Variants in GABBR2 observed in about 807,000 individuals in gnomAD.
The protein encoded by GABBR2 is gamma-aminobutyric acid type B receptor subunit 2.
Under a neutral mutation model 105.6 loss-of-function variants are expected in GABBR2, and 23 were observed. The observed-to-expected ratio is 0.22, with a 90% CI of 0.16 to 0.31. The LOEUF (loss-of-function observed/expected upper bound fraction) is 0.31. Among genes scored for constraint, GABBR2 ranks in the 10% least tolerant of loss-of-function variants. GABBR2 has a pLI of 1.00. For missense variants in GABBR2, 734 were observed against 1,245.5 expected, an observed-to-expected ratio of 0.59 and a Z score of 6.18; for synonymous variants, 478 against 499.7, an observed-to-expected ratio of 0.96 and a Z score of 0.58.
At chr9:98,485,149 A>G (rs1207017695) in intron 4 of GABBR2, among the ~76,000 whole-genome samples, 3 of 152,172 alleles carry the variant, frequency 2.0e-5, no homozygotes, top group Admixed American at 1.3e-4. Context: ...TCCTGGAGTG[A>G]AAGCAGATGA....
Position 98,293,899 on chromosome 9 carries a change from C to G in GABBR2, c.2546G>C (p.Gly849Ala). 1 of 1,577,614 alleles carries G rather than the reference C, an allele frequency of 6.3e-7. No homozygotes were observed. The highest frequency in any genetic ancestry group is 8.7e-7 in the Non-Finnish European group (1 of 1,147,026). ...GTGATTTTTTAAAATGGCCTTTCCT[C>G]CATCTGAATGCAAAACAACAATACC... ...NLGNFTESTDGGKAILKNHLD... is the reference protein window; with the variant it reads ...NLGNFTESTDAGKAILKNHLD... The change falls in exon 18 of 19, where the codon GGA becomes GCA. Residue 849 changes from glycine (G) to alanine (A), a missense_variant. Gly to Ala is a moderately conservative substitution (Grantham distance 60). Coordinates refer to ENST00000259455, the MANE Select transcript of GABBR2 (RefSeq NM_005458.8).
chr9:98,647,403 C>T (rs376818730), intron 1 of GABBR2, among the ~76,000 whole-genome samples: 44 of 152,354 alleles, frequency 2.9e-4, no homozygotes, highest in African/African-American at 9.9e-4. Context: ...CCAGGAAATG[C>T]GCAGGTGGCT....
intron 13 of GABBR2, among the ~76,000 whole-genome samples, chr9:98,320,391 T>C (rs954679209): frequency 7.2e-5 from 11 of 152,018 alleles, no homozygotes; most frequent in African/African-American, 2.4e-4. Context: ...GACTGTAAAC[T>C]AGTTCAACCA....
At position 98,358,915 on chromosome 9, in the gene GABBR2, C is replaced by A. The variant is rs546721122; in HGVS notation, c.1893+3800G>T. On this transcript the variant is annotated intron_variant, in intron 13 of 18. Transcript: ENST00000259455. ...GGTTGGGTGGCAACATGGTTGAAAG[C>A]AGACCACCTGGGGTGGAATCCAGGC... 1.1e-3 allele frequency among the ~76,000 whole-genome samples: 160 copies of A among 152,244 alleles called. 1 individual carries two copies. Among genetic ancestry groups the A allele is most frequent in the African/African-American group, 3.8e-3 (157 of 41,542 alleles).
intron 1 of GABBR2, among the ~76,000 whole-genome samples, chr9:98,599,052 C>T (rs1478084039): frequency 6.6e-6 from 1 of 152,092 alleles, no homozygotes; most frequent in African/African-American, 2.4e-5. Flanking sequence ...TCAGGCTGAC[C>T]GGGAGACAAG....
At chr9:98,634,881 CAGG>C (rs1318961921) in intron 1 of GABBR2, among the ~76,000 whole-genome samples, 1 of 152,170 alleles carries the variant, frequency 6.6e-6, no homozygotes. Flanking sequence ...ACCTCCAGTG[CAGG>C]AGAACTTAAC....
intron 3 of GABBR2, 78 bp downstream of exon 3, chr9:98,541,795 T>C: frequency 5.8e-6 from 8 of 1,376,198 alleles, no homozygotes; most frequent in Non-Finnish European, 7.1e-6. Flanking sequence ...TACCCATCCC[T>C]GACTAAACCA....
intron 1 of GABBR2, among the ~76,000 whole-genome samples, chr9:98,618,154 G>C (rs1042397845): frequency 2.0e-5 from 3 of 152,152 alleles, no homozygotes. Flanking sequence ...AGGGCTAACC[G>C]ATCCTGCAGC....
chr9:98,501,153 C>CCCCT (rs1564094521), intron 3 of GABBR2, among the ~76,000 whole-genome samples: 2 of 125,730 alleles, frequency 1.6e-5, no homozygotes, highest in Non-Finnish European at 3.3e-5. Context: ...CCCCCTGCTC[C>CCCCT]TTTTTTTTTT....
At chr9:98,622,960 C>T (rs1230905256) in intron 1 of GABBR2, among the ~76,000 whole-genome samples, 2 of 152,118 alleles carry the variant, frequency 1.3e-5, no homozygotes, top group Non-Finnish European at 2.9e-5. Context: ...TGGGTGATGA[C>T]GCTGTGTCAA....
intron 2 of GABBR2, among the ~76,000 whole-genome samples, chr9:98,557,066 T>C (rs1304126220): frequency 6.6e-6 from 1 of 152,042 alleles, no homozygotes; most frequent in Non-Finnish European, 1.5e-5. Context: ...GTAAACACAC[T>C]GAGAACTTGG....
chr9:98,594,516 G>C (rs1256914667), intron 1 of GABBR2, among the ~76,000 whole-genome samples: 4 of 152,198 alleles, frequency 2.6e-5, no homozygotes, highest in Non-Finnish European at 4.4e-5. Flanking sequence ...CTCTGGGAGA[G>C]GAATTTGCTG....
At chr9:98,643,943 G>A (rs1188581172) in intron 1 of GABBR2, among the ~76,000 whole-genome samples, 3 of 152,134 alleles carry the variant, frequency 2.0e-5, no homozygotes, top group Non-Finnish European at 2.9e-5. Flanking sequence ...CTAAGCCTCC[G>A]GGGGCTAGCC....
chr9:98,322,611 C>T (rs895888641), intron 13 of GABBR2, among the ~76,000 whole-genome samples: 1 of 137,196 alleles, frequency 7.3e-6, no homozygotes, highest in South Asian at 2.4e-4. Flanking sequence ...CTGACCCCCC[C>T]ATACCCGTCC....
chr9:98,629,170 G>A (rs551032459), intron 1 of GABBR2, among the ~76,000 whole-genome samples: 17 of 152,106 alleles, frequency 1.1e-4, no homozygotes, highest in Non-Finnish European at 2.4e-4. Context: ...ATGAGCAAAG[G>A]AATTCATTTG....
chr9:98,422,693 GCTGGTGTGCT>G (rs1832804577), intron 7 of GABBR2, among the ~76,000 whole-genome samples: 1 of 151,812 alleles, frequency 6.6e-6, no homozygotes, highest in Non-Finnish European at 1.5e-5. Flanking sequence ...CATGTGCCAT[GCTGGTGTGCT>G]GCACCCATTA....
intron 7 of GABBR2, among the ~76,000 whole-genome samples, chr9:98,434,839 C>T (rs1273483092): frequency 1.3e-5 from 2 of 152,198 alleles, no homozygotes; most frequent in African/African-American, 4.8e-5. Context: ...CAAACAAGGA[C>T]AGTTTGTGAG....
At chr9:98,683,556 A>G (rs1468101475) in intron 1 of GABBR2, among the ~76,000 whole-genome samples, 1 of 152,174 alleles carries the variant, frequency 6.6e-6, no homozygotes, top group Non-Finnish European at 1.5e-5. Flanking sequence ...GTGTTAAAAT[A>G]CTTAAATTTT....
chr9:98,313,552 T>C (rs1335570332), intron 13 of GABBR2, among the ~76,000 whole-genome samples: 1 of 152,224 alleles, frequency 6.6e-6, no homozygotes, highest in Non-Finnish European at 1.5e-5. Context: ...CACTAAATAG[T>C]TGCAAAATTG....
Sources: gnomAD v4.1 joint callset for allele counts (sites outside exome capture counted in the v4.1 genomes callset) on GRCh38, gnomAD v4.1.1 for gene constraint, MANE v1.5 for transcripts, NCBI Gene and HGNC (gene_info 2026-07-23, HGNC 2026-07-21) for gene names.